KBTBD2: variants seen among roughly 807,000 people sequenced by gnomAD.
KBTBD2 encodes the protein kelch repeat and BTB domain containing 2, also known as kelch repeat and BTB domain-containing protein 2.
A neutral mutation model predicts 57.1 loss-of-function variants in KBTBD2; 17 were observed. The observed-to-expected ratio is 0.30, with a 90% CI of 0.20 to 0.45. The LOEUF is 0.45. Ranked by LOEUF, KBTBD2 falls within the 20% of genes least tolerant of loss-of-function variation. The pLI is 1.00. For synonymous variants in KBTBD2, 267 were observed against 262.7 expected (o/e 1.02, Z -0.16); for missense variants, 515 against 750.6 (o/e 0.69, Z 3.67).
chr7:32,891,887 G>GCCGCCCCCGCCCCCGCCGCCCCCGCCC (rs1554279066), upstream of KBTBD2: 1 of 29,388 alleles, frequency 3.4e-5, no homozygotes, highest in Non-Finnish European at 7.4e-5. Flanking sequence ...CGCCGCCCCC[G>GCCGCCCCCGCCCCCGCCGCCCCCGCCC]CCGCCCCCGC....
At chr7:32,871,900 C>T (rs774117491) in intron 3 of KBTBD2, among the ~76,000 whole-genome samples, 11 of 151,962 alleles carry the variant, frequency 7.2e-5, no homozygotes, top group Non-Finnish European at 1.0e-4. Context: ...AAGTAGTATA[C>T]GGTTTTCGTT....
chr7:32,880,324 A>T (rs932815127), intron 1 of KBTBD2, among the ~76,000 whole-genome samples: 16 of 152,002 alleles, frequency 1.1e-4, no homozygotes, highest in African/African-American at 3.1e-4. Flanking sequence ...ATATTTTTTT[A>T]AAAAAACAAA....
rs1482385178 is a variant in KBTBD2 at position 32,868,306 on chromosome 7, G to A, written c.*1039C>T. 6.6e-6 allele frequency: 1 copy of A among 152,526 alleles called. No homozygotes were observed. The highest frequency in any genetic ancestry group is 1.5e-5 in the Non-Finnish European group (1 of 68,010). The allele number at this position is 152,526 out of a possible 1,614,324, so 9.4% of individuals were successfully genotyped here. A position where few individuals can be genotyped will look rare whatever the true frequency, so the allele number is the denominator to read the frequency against. ...GTTAGATTGGCGGCGCCCCACTACT[G>A]CTAGTGGTTCCTGGGATTAATGCCA... is the stretch of plus-strand genomic sequence containing the variant. On this transcript the variant is annotated 3_prime_UTR_variant, in exon 4 of 4. Coordinates refer to ENST00000304056, the MANE Select transcript of KBTBD2 (RefSeq NM_015483.3).
At chr7:32,881,751 A>G (rs1055923154) in intron 1 of KBTBD2, among the ~76,000 whole-genome samples, 3 of 152,236 alleles carry the variant, frequency 2.0e-5, no homozygotes, top group Non-Finnish European at 2.9e-5. Context: ...CTATTTCCAC[A>G]CATTAATAAT....
In KBTBD2 at chr7:32,870,738, A is replaced by C. The variant is rs1784154123; in HGVS notation, c.479T>G (p.Phe160Cys). The change falls in exon 4 of 4, where the codon TTC (phenylalanine) becomes TGC (cysteine). Residue 160 changes from phenylalanine to cysteine, a missense_variant. By Grantham distance (205) the Phe-to-Cys change is radical. Coordinates refer to ENST00000304056, the MANE Select transcript of KBTBD2 (RefSeq NM_015483.3). ...CGCGTCCTGATGATACACAGCAGTG[A>C]ACTTGTGCTCCACCATTCTTTTAGC... The part of the protein sequence containing the change: ...QSAKRMVEHK[F>C]TAVYHQDAFM... The C allele has an allele frequency of 6.2e-7, 1 of 1,614,116 alleles. No homozygotes were observed. Among genetic ancestry groups the C allele is most frequent in the African/African-American group, 1.3e-5 (1 of 74,950 alleles).
At chr7:32,873,708 T>G (rs898470878) in intron 3 of KBTBD2, among the ~76,000 whole-genome samples, 4 of 152,206 alleles carry the variant, frequency 2.6e-5, no homozygotes, top group Non-Finnish European at 5.9e-5. Context: ...CACTCCAGCC[T>G]GGGCAACAAG....
intron 1 of KBTBD2, among the ~76,000 whole-genome samples, chr7:32,890,012 C>T (rs1784689734): frequency 6.6e-6 from 1 of 152,236 alleles, no homozygotes; most frequent in African/African-American, 2.4e-5. Context: ...CATCTCCTTA[C>T]ATGCCCTGTG....
In KBTBD2 at chr7:32,879,489, C is replaced by T. The variant is rs868322597; in HGVS notation, c.116G>A (p.Gly39Asp). Residue 39 changes from glycine to aspartate, a missense_variant, in exon 2 of 4, where the codon GGC becomes GAC. Transcript: ENST00000304056. The stretch of plus-strand genomic sequence containing the variant: ...CATCTTATGACAAGGGAATTCAGTG[C>T]CCTCAACAATTAACACTATGTCAGT... ...LFTDIVLIVE[G>D]TEFPCHKMVL... is the part of the protein sequence containing the mutation. 6.2e-7 allele frequency: 1 copy of T among 1,613,046 alleles called. No individual in the cohort carries two copies. The highest frequency in any genetic ancestry group is 1.1e-5 in the South Asian group (1 of 91,046).
At chr7:32,885,304 G>A (rs995974633) in intron 1 of KBTBD2, among the ~76,000 whole-genome samples, 10 of 151,636 alleles carry the variant, frequency 6.6e-5, no homozygotes, top group South Asian at 4.2e-4. Flanking sequence ...TCCTGAACGC[G>A]GAATTAAATA....
chr7:32,876,840 C>T (rs972100743), intron 2 of KBTBD2, among the ~76,000 whole-genome samples: 2 of 151,904 alleles, frequency 1.3e-5, no homozygotes, highest in African/African-American at 4.8e-5. Context: ...GCCTGTAATC[C>T]CAACTACTCA....
chr7:32,891,913 G>GCCCCCGCCCCCGC (rs1784768366), upstream of KBTBD2: 1 of 31,778 alleles, frequency 3.1e-5, no homozygotes, highest in African/African-American at 2.0e-4. Context: ...CCCCCGCCGC[G>GCCCCCGCCCCCGC]CGCTCTCGCC....
chr7:32,874,830 A>T, intron 3 of KBTBD2, 162 bp downstream of exon 3: 1 of 523,076 alleles, frequency 1.9e-6, no homozygotes, highest in Non-Finnish European at 3.3e-6. Context: ...CGTACTAAAA[A>T]TACAAAAATT....
intron 1 of KBTBD2, among the ~76,000 whole-genome samples, chr7:32,890,777 C>T (rs968451500): frequency 6.6e-6 from 1 of 152,046 alleles, no homozygotes; most frequent in Admixed American, 6.6e-5. Flanking sequence ...CGTGGTAGCC[C>T]GTGGGATGGA....
In KBTBD2 at chr7:32,873,403, A is replaced by T. The variant is rs1419039114; in HGVS notation, c.336+1589T>A. On this transcript the variant is annotated intron_variant, in intron 3 of 3. Transcript: ENST00000304056. ...TCTAAGCAAAAAAAAAAAAAAAAAA[A>T]ATTGAAACACTTAAATTCAATAAAC... is the stretch of plus-strand genomic sequence containing the variant. 2.0e-5 allele frequency among the ~76,000 whole-genome samples: 3 copies of T among 151,994 alleles called. No homozygotes were observed. In the East Asian group the frequency reaches 5.8e-4, roughly 29 times the overall value.
chr7:32,890,731 T>C (rs1021073034), intron 1 of KBTBD2, among the ~76,000 whole-genome samples: 1 of 152,204 alleles, frequency 6.6e-6, no homozygotes, highest in Non-Finnish European at 1.5e-5. Flanking sequence ...ATTTTGTATT[T>C]TGAATTCTTT....
chr7:32,879,759 T>G lies in KBTBD2; in HGVS notation c.-155A>C, dbSNP rs979973129. On this transcript the variant is annotated 5_prime_UTR_variant, in exon 2 of 4. Transcript: ENST00000304056. ...GACACATTCACTAATGAGTAATATC[T>G]TGTTACACAGACTTAGAATCACTCC... 3 of 617,492 alleles carry G rather than the reference T, an allele frequency of 4.9e-6. No individual in the cohort carries two copies. In the African/African-American group the frequency reaches 5.6e-5, roughly 12 times the overall value. The allele number at this position is 617,492 out of a possible 1,614,324, so 38.3% of individuals were successfully genotyped here.
chr7:32,877,526 A>T (rs1342814175), intron 2 of KBTBD2, among the ~76,000 whole-genome samples: 1 of 152,200 alleles, frequency 6.6e-6, no homozygotes, highest in Non-Finnish European at 1.5e-5. Context: ...GGAAGAATGT[A>T]TTTAGTTCAG....
intron 1 of KBTBD2, among the ~76,000 whole-genome samples, chr7:32,883,653 CTGT>C (rs1784497643): frequency 6.6e-6 from 1 of 152,196 alleles, no homozygotes; most frequent in Non-Finnish European, 1.5e-5. Context: ...GTCACAGACC[CTGT>C]TATCTGTAGA....
chr7:32,873,026 C>T (rs939122775), intron 3 of KBTBD2, among the ~76,000 whole-genome samples: 1 of 152,106 alleles, frequency 6.6e-6, no homozygotes, highest in African/African-American at 2.4e-5. Context: ...TCATTCAGTG[C>T]ATATTTATTA....
Sources: allele counts gnomAD v4.1 joint callset (sites outside exome capture counted in the v4.1 genomes callset), GRCh38; gene constraint gnomAD v4.1.1; transcripts MANE v1.5; gene names NCBI Gene and HGNC (gene_info 2026-07-23, HGNC 2026-07-21).